The following C2 variants were observed in gnomAD, a reference collection of about 807,000 sequenced individuals.
The protein encoded by C2 is C3/C5 convertase.
A neutral mutation model predicts 85.2 loss-of-function variants in C2; 64 were observed. The observed-to-expected ratio is 0.75, with a 90% CI of 0.61 to 0.92. C2 has a LOEUF of 0.92. C2 is among the 40% of genes least tolerant of loss of function. C2 has a pLI of 0.00. For missense variants in C2, 820 were observed against 971.6 expected (o/e 0.84, Z 2.07); for synonymous variants, 311 against 370.8 (o/e 0.84, Z 1.85).
At chr6:31,902,210 G>C (rs1582000142) in intron 1 of C2, among the ~76,000 whole-genome samples, 1 of 149,988 alleles carries the variant, frequency 6.7e-6, no homozygotes, top group Non-Finnish European at 1.5e-5. Context: ...TTGTCCGCCA[G>C]AGCGGAAATA....
At chr6:31,924,828 T>C (rs1661372140), upstream of C2, among the ~76,000 whole-genome samples, 1 of 152,252 alleles carries the variant, frequency 6.6e-6, no homozygotes, top group African/African-American at 2.4e-5. Context: ...TCTCCTATTC[T>C]GATGTGCCTG....
At chr6:31,910,915 GGTT>G (rs1434660752) in intron 1 of C2, among the ~76,000 whole-genome samples, 1 of 152,008 alleles carries the variant, frequency 6.6e-6, no homozygotes, top group Non-Finnish European at 1.5e-5. Context: ...GGGAGGCAGA[GGTT>G]GCAGTGAGCC....
At chr6:31,927,595 T>C (rs1769352276), upstream of C2, 42 of 1,567,788 alleles carry the variant, frequency 2.7e-5, no homozygotes, top group Non-Finnish European at 3.6e-5. The surrounding 1 kb of genome is among the most constrained non-coding windows in gnomAD (Gnocchi z 4.7). Flanking sequence ...TCCCTGCTTA[T>C]TATTTCCCTA....
chr6:31,902,763 C>T (rs1767448949), intron 1 of C2, among the ~76,000 whole-genome samples: 2 of 152,212 alleles, frequency 1.3e-5, no homozygotes, highest in Admixed American at 1.3e-4. Flanking sequence ...CCGCCCTCCC[C>T]TCCATTCTCA....
chr6:31,914,675 G>A (rs946185942), intron 1 of C2, among the ~76,000 whole-genome samples: 4 of 152,024 alleles, frequency 2.6e-5, no homozygotes, highest in African/African-American at 7.2e-5. Flanking sequence ...CACTGTGGGA[G>A]GCCGAGACGG....
intron 1 of C2, among the ~76,000 whole-genome samples, chr6:31,913,327 G>A (rs538771314): frequency 6.6e-6 from 1 of 152,310 alleles, no homozygotes; most frequent in African/African-American, 2.4e-5. Flanking sequence ...AGTAATTGGA[G>A]CACTTTGGGA....
chr6:31,942,680 G>C lies in C2; in HGVS notation c.1220-279G>C, dbSNP rs374245872. Reference sequence around the variant, plus strand: ...CGAAAGTGAGCCATGTGGAAGTCTGGGGGGGAGGAGTGAACTAGGCAGAGG... The same window carrying C: ...CGAAAGTGAGCCATGTGGAAGTCTGCGGGGGAGGAGTGAACTAGGCAGAGG... On this transcript the variant is annotated intron_variant, in intron 9 of 17. Coordinates refer to ENST00000299367, the MANE Select transcript of C2 (RefSeq NM_000063.6). Among the ~76,000 whole-genome samples, 37 of 152,282 alleles carry C rather than the reference G, an allele frequency of 2.4e-4. No individual in the cohort carries two copies. In the East Asian group the frequency reaches 3.9e-3, roughly 16 times the overall value.
chr6:31,933,517 C>T (rs1383586832), intron 3 of C2, 93 bp from the exon 4 acceptor site: 36 of 1,392,426 alleles, frequency 2.6e-5, no homozygotes, highest in Non-Finnish European at 3.6e-5. Context: ...TGGGTTGGAA[C>T]TGGGAAGCTT....
In C2 at chr6:31,943,437, CGG is replaced by C; in HGVS notation, c.1482_1483del (p.Ala495ProfsTer41). 7 of 1,613,006 alleles carry C rather than the reference CGG, an allele frequency of 4.3e-6. No homozygotes were observed. The highest frequency in any genetic ancestry group is 5.9e-6 in the Non-Finnish European group (7 of 1,180,012). On this transcript the variant is annotated frameshift_variant, in exon 12 of 18. Transcript: ENST00000299367. LOFTEE classifies it high-confidence loss of function. The surrounding 1 kb of genome is among the most constrained non-coding windows in gnomAD (Gnocchi z 6.4). ...TIKPKSQETC[R>X]GALISDQWVL... The stretch of plus-strand genomic sequence containing the variant: ...GCAGCCCAAGAGCCAAGAGACCTGC[CGG>C]GGGGCCCTCATCTCCGACCAATGGG...
chr6:31,940,035 C>T (rs1353731259), intron 9 of C2, among the ~76,000 whole-genome samples: 1 of 152,188 alleles, frequency 6.6e-6, no homozygotes, highest in Non-Finnish European at 1.5e-5. Flanking sequence ...CTTGGTCTCC[C>T]AAGGTGCTGG....
intron 3 of C2, among the ~76,000 whole-genome samples, chr6:31,929,206 C>G (rs1012544320): frequency 6.6e-6 from 1 of 152,212 alleles, no homozygotes; most frequent in East Asian, 1.9e-4. Flanking sequence ...TCAGGCCCCA[C>G]AGATTGTTGT....
upstream of C2, among the ~76,000 whole-genome samples, chr6:31,919,317 G>A (rs1387073238): frequency 6.6e-6 from 1 of 151,914 alleles, no homozygotes; most frequent in African/African-American, 2.4e-5. Flanking sequence ...GCTAATTTTT[G>A]TATTTTTAGT....
chr6:31,937,225 G>A (rs1770492763), intron 7 of C2, 94 bp from the exon 8 acceptor site: 2 of 1,244,494 alleles, frequency 1.6e-6, no homozygotes, highest in Admixed American at 1.8e-5. Flanking sequence ...AAAAAAAATT[G>A]CATTTCCAAT....
Position 31,902,074 on chromosome 6 carries a change from G to A in C2, c.73+935G>A, listed in dbSNP as rs374589428. 200 of 152,070 alleles carry A rather than the reference G, an allele frequency of 1.3e-3. 3 individuals are homozygous for A. The South Asian group carries it at 0.037, about 28-fold the overall frequency. 9.4% of individuals were successfully genotyped at this position (152,070 alleles called of 1,614,324 possible). A position where few individuals can be genotyped will look rare whatever the true frequency, so the allele number is the denominator to read the frequency against. On this transcript the variant is annotated intron_variant, in intron 1 of 3. Transcript: ENST00000452202. ...GCGGCGGCGGCGTCGGCTAGGACTC[G>A]GGGAGGAGGAAGAGGGGAGGGAATT...
chr6:31,897,863 C>A, upstream of C2: 1 of 1,054,350 alleles, frequency 9.5e-7, no homozygotes, highest in Non-Finnish European at 1.1e-6. Flanking sequence ...TCCTGTCATT[C>A]CTGGCCTCAG....
chr6:31,917,114 T>C (rs1582040812), upstream of C2, among the ~76,000 whole-genome samples: 1 of 144,880 alleles, frequency 6.9e-6, no homozygotes, highest in Admixed American at 7.2e-5. Context: ...GAGGTTGCAG[T>C]GAGCCAAGAC....
Position 31,937,464 on chromosome 6 carries a change from G to A in C2, c.1129+5G>A, listed in dbSNP as rs763192431. ...CCATCATCCTTCTGACAGATGGTGG[G>A]TATCATGGTCTCTGAGTGTGTCTGG... On this transcript the variant is annotated splice_donor_5th_base_variant and intron_variant, in intron 8 of 17. Transcript: ENST00000299367. 5 of 1,612,672 alleles carry A rather than the reference G, an allele frequency of 3.1e-6. No homozygotes were observed. In the African/African-American group the frequency reaches 5.3e-5, roughly 17 times the overall value.
chr6:31,928,248 C>G, intron 2 of C2, 84 bp downstream of exon 2: 2 of 1,269,608 alleles, frequency 1.6e-6, no homozygotes, highest in East Asian at 5.0e-5. Context: ...CAGGGTGGGA[C>G]TTAACCTGAC....
chr6:31,923,609 G>A (rs1421799879), upstream of C2, among the ~76,000 whole-genome samples: 31 of 151,030 alleles, frequency 2.1e-4, no homozygotes, highest in African/African-American at 6.6e-4. Flanking sequence ...TCAGCCTCCC[G>A]AGTAGCTGGG....
Sources: gnomAD v4.1 joint callset for allele counts (sites outside exome capture counted in the v4.1 genomes callset) on GRCh38, gnomAD v4.1.1 for gene constraint, Gnocchi (gnomAD v3.1) non-coding constraint, MANE v1.5 for transcripts, NCBI Gene and HGNC (gene_info 2026-07-23, HGNC 2026-07-21) for gene names.